The following NNT variants were observed in gnomAD, a reference collection of about 807,000 sequenced individuals.
NNT encodes NAD(P) transhydrogenase, mitochondrial.
NNT carries 50 observed loss-of-function variants against 104.8 expected under a neutral mutation model. That is an observed-to-expected ratio of 0.48 (90% CI 0.38 to 0.60). The LOEUF (loss-of-function observed/expected upper bound fraction) is 0.60, where lower values mean the gene tolerates loss of function less well. Ranked by LOEUF, NNT falls within the 20% of genes least tolerant of loss-of-function variation. The pLI is 0.00. For synonymous variants in NNT, 461 were observed against 490.4 expected (o/e 0.94, Z 0.79); for missense variants, 1,131 against 1,330.7 (o/e 0.85, Z 2.33).
At chr5:43,649,056 T>A (rs1291257219) in intron 10 of NNT, 91 bp from the exon 11 acceptor site, 1 of 1,389,018 alleles carries the variant, frequency 7.2e-7, no homozygotes, top group Admixed American at 1.8e-5. Flanking sequence ...TTTAAAAGCA[T>A]TGGCTATTCC....
intron 17 of NNT, among the ~76,000 whole-genome samples, chr5:43,660,574 C>G (rs796442113): frequency 1.1e-4 from 17 of 152,134 alleles, no homozygotes; most frequent in African/African-American, 3.1e-4. Flanking sequence ...AAAGAACTAC[C>G]TCAGACTGGG....
At chr5:43,632,638 G>C (rs993474593) in intron 7 of NNT, among the ~76,000 whole-genome samples, 1 of 152,154 alleles carries the variant, frequency 6.6e-6, no homozygotes, top group African/African-American at 2.4e-5. Flanking sequence ...TGAGGATGGG[G>C]CCAAGCTGAC....
chr5:43,655,905 T>C lies in NNT; in HGVS notation c.2125T>C (p.Leu709=). 1 of 1,614,254 alleles carries C rather than the reference T, an allele frequency of 6.2e-7. No individual in the cohort carries two copies. The highest frequency in any genetic ancestry group is 8.5e-7 in the Non-Finnish European group (1 of 1,180,052). ...LPQLVAAFHS[L]VGLAAVLTCI... is the part of the protein sequence containing the mutation. ...TCAATTAGTTGCTGCTTTTCACAGT[T>C]TAGTGGGTTTGGCAGCTGTACTTAC... Residue 709 remains leucine, a synonymous_variant, in exon 15 of 22, where the codon TTA becomes CTA. Coordinates refer to ENST00000344920, the MANE Select transcript of NNT (RefSeq NM_182977.3).
intron 10 of NNT, among the ~76,000 whole-genome samples, chr5:43,647,760 A>C (rs977325126): frequency 7.2e-5 from 11 of 152,208 alleles, no homozygotes; most frequent in African/African-American, 2.7e-4. Context: ...GCCTAACACA[A>C]AAGACTGTGG....
In NNT at chr5:43,659,350, G is replaced by A; in HGVS notation, c.2634G>A (p.Val878=). The stretch of plus-strand genomic sequence containing the variant: ...CTATCCTGTCATACATCATGTGTGT[G>A]GTAAGAAACAACACATACATGAAAC... ...SGAILSYIMC[V]AMNRSLANVI... The change falls in exon 17 of 22, where the codon GTG becomes GTA. Residue 878 remains valine (V), a splice_region_variant and synonymous_variant. Coordinates refer to ENST00000344920, the MANE Select transcript of NNT (RefSeq NM_182977.3). 1 of 1,603,410 alleles carries A rather than the reference G, an allele frequency of 6.2e-7. No homozygotes were observed. Among genetic ancestry groups the A allele is most frequent in the Non-Finnish European group, 8.5e-7 (1 of 1,175,688 alleles).
At chr5:43,606,120 G>A (rs1269484070) in intron 1 of NNT, among the ~76,000 whole-genome samples, 1 of 152,108 alleles carries the variant, frequency 6.6e-6, no homozygotes, top group Non-Finnish European at 1.5e-5. Context: ...TAAGTGAGTG[G>A]CAGATTTGGA....
intron 1 of NNT, among the ~76,000 whole-genome samples, chr5:43,606,813 T>C (rs1036172845): frequency 6.6e-6 from 1 of 152,212 alleles, no homozygotes; most frequent in Non-Finnish European, 1.5e-5. Flanking sequence ...AGTTTGATTC[T>C]ACAAGTGCTT....
chr5:43,661,389 TTTTATTTATTTA>T (rs372098953), intron 17 of NNT, among the ~76,000 whole-genome samples: 65 of 151,188 alleles, frequency 4.3e-4, no homozygotes, highest in Non-Finnish European at 8.9e-4. Flanking sequence ...AGAAAGTGGC[TTTTATTTATTTA>T]TTTATTTATT....
At chr5:43,662,327 A>G (rs1740413123) in intron 17 of NNT, among the ~76,000 whole-genome samples, 1 of 151,586 alleles carries the variant, frequency 6.6e-6, no homozygotes, top group East Asian at 1.9e-4. Flanking sequence ...TGTTGAAAGT[A>G]CTCTCTTCTA....
intron 20 of NNT, 97 bp from the exon 21 acceptor site, chr5:43,702,524 T>C: frequency 2.8e-6 from 2 of 717,744 alleles, no homozygotes; most frequent in South Asian, 2.6e-5. Flanking sequence ...ATTTTTGTTA[T>C]TGTTATTATA....
intron 14 of NNT, among the ~76,000 whole-genome samples, chr5:43,653,821 G>T (rs1739897582): frequency 6.6e-6 from 1 of 151,970 alleles, no homozygotes; most frequent in Admixed American, 6.5e-5. Context: ...TGGGCATGGT[G>T]GCGTACAACT....
chr5:43,631,919 A>G (rs1750694532), intron 7 of NNT, among the ~76,000 whole-genome samples: 1 of 150,740 alleles, frequency 6.6e-6, no homozygotes, highest in Non-Finnish European at 1.5e-5. Flanking sequence ...ACCTCAGCCC[A>G]GAGCTCACCC....
chr5:43,644,061 A>T, intron 7 of NNT, 131 bp from the exon 8 acceptor site: 2 of 786,458 alleles, frequency 2.5e-6, no homozygotes, highest in East Asian at 5.3e-5. Flanking sequence ...TATGGTCTTT[A>T]GGGGTCTCTT....
chr5:43,642,808 C>T (rs1751305902), intron 7 of NNT, among the ~76,000 whole-genome samples: 2 of 152,202 alleles, frequency 1.3e-5, no homozygotes, highest in South Asian at 4.1e-4. Flanking sequence ...TTTATTTCCA[C>T]ATGTACTACA....
chr5:43,654,747 C>A (rs1464396202), intron 14 of NNT, among the ~76,000 whole-genome samples: 9 of 152,164 alleles, frequency 5.9e-5, no homozygotes, highest in Non-Finnish European at 1.5e-5. Flanking sequence ...AGTTAAAGCT[C>A]ATGTATTTGT....
In NNT at chr5:43,649,263, C is replaced by G. The variant is rs1276172183; in HGVS notation, c.1561C>G (p.Pro521Ala). ...VGYHTVWGVT[P>A]ALHSPLMSVT... Reference sequence around the variant, plus strand: ...GTATCATACCGTCTGGGGAGTGACCCCTGCTCTCCACTCACCACTGATGTC... The same window carrying G: ...GTATCATACCGTCTGGGGAGTGACCGCTGCTCTCCACTCACCACTGATGTC... The change falls in exon 11 of 22, where the codon CCT becomes GCT. Residue 521 changes from proline to alanine, a missense_variant. Pro to Ala is a conservative substitution (Grantham distance 27, BLOSUM62 -1). Coordinates refer to ENST00000344920, the MANE Select transcript of NNT (RefSeq NM_182977.3). The G allele has an allele frequency of 1.9e-6, 3 of 1,614,040 alleles. No individual in the cohort carries two copies. The highest frequency in any genetic ancestry group is 2.5e-6 in the Non-Finnish European group (3 of 1,180,026).
At chr5:43,654,749 T>C (rs1435759343) in intron 14 of NNT, among the ~76,000 whole-genome samples, 1 of 152,240 alleles carries the variant, frequency 6.6e-6, no homozygotes, top group Non-Finnish European at 1.5e-5. Flanking sequence ...TTAAAGCTCA[T>C]GTATTTGTAT....
At position 43,706,365 on chromosome 5, in the gene NNT, G is replaced by C. The variant is rs1743093909; in HGVS notation, c.*1961G>C. The C allele has an allele frequency of 6.6e-6, 1 of 151,172 alleles. No individual in the cohort carries two copies. The highest frequency in any genetic ancestry group is 2.1e-4 in the South Asian group (1 of 4,806). 9.4% of individuals were successfully genotyped at this position (151,172 alleles called of 1,614,324 possible). On this transcript the variant is annotated 3_prime_UTR_variant, in exon 22 of 22. Transcript: ENST00000344920. Reference sequence around the variant, plus strand: ...TCTTTTTCCAATAAGTCATACAATTGGTAGATATGACTTATTTTATTTTTG... The same window carrying C: ...TCTTTTTCCAATAAGTCATACAATTCGTAGATATGACTTATTTTATTTTTG...
chr5:43,669,707 A>G (rs1473832558), intron 17 of NNT, among the ~76,000 whole-genome samples: 2 of 152,166 alleles, frequency 1.3e-5, no homozygotes, highest in African/African-American at 4.8e-5. Context: ...GGATTTTTGC[A>G]TCGATGTTCA....
Sources: allele counts gnomAD v4.1 joint callset (sites outside exome capture counted in the v4.1 genomes callset), GRCh38; gene constraint gnomAD v4.1.1; transcripts MANE v1.5; gene names NCBI Gene and HGNC (gene_info 2026-07-23, HGNC 2026-07-21).